TTC39C: variants seen among roughly 807,000 people sequenced by gnomAD.
The protein encoded by TTC39C is tetratricopeptide repeat protein 39C.
Under a neutral mutation model 76.3 loss-of-function variants are expected in TTC39C, and 33 were observed. The observed-to-expected ratio is 0.43, with a 90% CI of 0.33 to 0.58. The LOEUF (loss-of-function observed/expected upper bound fraction) is 0.58, where lower values mean the gene tolerates loss of function less well. Among genes scored for constraint, TTC39C ranks in the 20% least tolerant of loss-of-function variants. TTC39C has a pLI of 0.04. For missense variants in TTC39C, 595 were observed against 701.4 expected (o/e 0.85, Z 1.71); for synonymous variants, 254 against 260.6 (o/e 0.97, Z 0.24).
intron 6 of TTC39C, among the ~76,000 whole-genome samples, chr18:24,112,566 AC>A (rs1432960062): frequency 6.6e-6 from 1 of 152,006 alleles, no homozygotes; most frequent in African/African-American, 2.4e-5. Context: ...CTTTATTTGG[AC>A]TCATCTTTTT....
intron 6 of TTC39C, among the ~76,000 whole-genome samples, chr18:24,108,457 TTGCTGGGTA>T (rs2145800194): frequency 6.6e-6 from 1 of 152,342 alleles, no homozygotes; most frequent in East Asian, 1.9e-4. Context: ...ATGGAAACTT[TTGCTGGGTA>T]GCTGAGTTCA....
At chr18:24,031,977 A>G (rs1447008474) in intron 1 of TTC39C, among the ~76,000 whole-genome samples, 2 of 152,164 alleles carry the variant, frequency 1.3e-5, no homozygotes, top group African/African-American at 4.8e-5. Context: ...GCAGAAAGAG[A>G]TTTTACACAC....
intron 6 of TTC39C, among the ~76,000 whole-genome samples, chr18:24,086,924 T>C (rs1407284074): frequency 1.3e-5 from 2 of 152,148 alleles, no homozygotes; most frequent in Non-Finnish European, 2.9e-5. Context: ...TTTTGTTTTT[T>C]TTTTTCTTTT....
In TTC39C at chr18:24,131,878, A is replaced by G. The variant is rs1439728596; in HGVS notation, c.1624-4A>G. On this transcript the variant is annotated splice_region_variant and splice_polypyrimidine_tract_variant and intron_variant, in intron 12 of 13. Transcript: ENST00000317571. ...TTTTATGGGATAATGTGTTTTTCTT[A>G]TAGACTGTAGGAAGAGGCAGAGCTC... The G allele has an allele frequency of 3.7e-6, 6 of 1,610,982 alleles. No homozygotes were observed. The highest frequency in any genetic ancestry group is 5.1e-6 in the Non-Finnish European group (6 of 1,179,204).
At chr18:24,095,358 T>G (rs1042573523) in intron 6 of TTC39C, among the ~76,000 whole-genome samples, 3 of 152,250 alleles carry the variant, frequency 2.0e-5, no homozygotes, top group Admixed American at 6.5e-5. Context: ...GCTGATTTGC[T>G]TTCTTATCAT....
At chr18:24,041,608 G>A (rs1340050151) in intron 1 of TTC39C, among the ~76,000 whole-genome samples, 9 of 152,266 alleles carry the variant, frequency 5.9e-5, no homozygotes, top group Middle Eastern at 3.4e-3. Context: ...TTTAGGGACC[G>A]CTTTCCTCTT....
chr18:23,996,953 C>CA (rs2083266377), intron 1 of TTC39C, among the ~76,000 whole-genome samples: 1 of 151,838 alleles, frequency 6.6e-6, no homozygotes, highest in African/African-American at 2.4e-5. Flanking sequence ...ACTAAAAATA[C>CA]AAAAAACTAG....
At chr18:24,049,161 C>T (rs2083920447) in intron 1 of TTC39C, among the ~76,000 whole-genome samples, 1 of 152,204 alleles carries the variant, frequency 6.6e-6, no homozygotes, top group African/African-American at 2.4e-5. Context: ...CAGGAAATCA[C>T]TCAAAACATT....
intron 6 of TTC39C, among the ~76,000 whole-genome samples, chr18:24,111,921 A>AT (rs1193854333): frequency 0.017 from 687 of 40,786 alleles, 5 homozygotes; most frequent in African/African-American, 0.049. Context: ...ATATATATAT[A>AT]TATTTTTTTT....
At chr18:24,008,032 TTGAGGC>T (rs1333415924) in intron 1 of TTC39C, among the ~76,000 whole-genome samples, 1 of 152,170 alleles carries the variant, frequency 6.6e-6, no homozygotes, top group East Asian at 1.9e-4. Flanking sequence ...AATGGGGAAA[TTGAGGC>T]TGAAAGAGAT....
rs557341451 is a variant in TTC39C, at chr18:24,088,621, C to T, written c.984+5540C>T. ...TTCAGAAGAGACACAGCCCTCTCTG[C>T]CCGTCCACCACTCTGTTGTGTCCTC... On this transcript the variant is annotated intron_variant, in intron 6 of 13. Coordinates refer to ENST00000317571, the MANE Select transcript of TTC39C (RefSeq NM_001135993.2). 5.9e-5 allele frequency among the ~76,000 whole-genome samples: 9 copies of T among 152,328 alleles called. No homozygotes were observed. In the South Asian group the frequency reaches 1.0e-3, roughly 18 times the overall value.
chr18:24,112,221 G>A (rs547010755), intron 6 of TTC39C, among the ~76,000 whole-genome samples: 20 of 152,298 alleles, frequency 1.3e-4, no homozygotes, highest in African/African-American at 4.8e-4. Context: ...TCTCTCCTAT[G>A]TGTGTCACTT....
chr18:24,023,027 A>G (rs2083535533), intron 1 of TTC39C, among the ~76,000 whole-genome samples: 1 of 152,176 alleles, frequency 6.6e-6, no homozygotes, highest in Non-Finnish European at 1.5e-5. Context: ...ATACCTGGAC[A>G]TCCTCTCCAG....
intron 6 of TTC39C, among the ~76,000 whole-genome samples, chr18:24,092,522 A>G (rs764153562): frequency 3.3e-5 from 5 of 152,260 alleles, no homozygotes; most frequent in Non-Finnish European, 7.3e-5. Flanking sequence ...CATGTGATAC[A>G]TTCATACAAT....
chr18:24,022,447 G>C, intron 1 of TTC39C: 1 of 457,906 alleles, frequency 2.2e-6, no homozygotes, highest in Non-Finnish European at 2.9e-6. Flanking sequence ...CCCAACTCGG[G>C]TCTCGCAGCA....
chr18:24,045,924 T>C lies in TTC39C; in HGVS notation c.168-18216T>C, dbSNP rs1413075985. On this transcript the variant is annotated intron_variant, in intron 1 of 13. Coordinates refer to ENST00000317571, the MANE Select transcript of TTC39C (RefSeq NM_001135993.2). ...ATATATATATATATATATATATATA[T>C]ATATTTTTTTTTTTTTTTTTTTTTT... Among the ~76,000 whole-genome samples, 67 of 25,098 alleles carry C rather than the reference T, an allele frequency of 2.7e-3. 2 individuals carry two copies. The highest frequency in any genetic ancestry group is 9.3e-3 in the African/African-American group (56 of 5,994). The allele number at this position is 25,098 out of a possible 152,430, so 16.5% of individuals were successfully genotyped here. A position where few individuals can be genotyped will look rare whatever the true frequency, so the allele number is the denominator to read the frequency against.
intron 1 of TTC39C, chr18:24,020,232 T>C (rs983600476): frequency 3.6e-5 from 38 of 1,062,426 alleles, no homozygotes; most frequent in Non-Finnish European, 4.2e-5. Flanking sequence ...GCATCTTTTT[T>C]CCCCCAACTA....
chr18:24,021,570 G>C (rs1476573216), intron 1 of TTC39C, among the ~76,000 whole-genome samples: 1 of 123,180 alleles, frequency 8.1e-6, no homozygotes, highest in Non-Finnish European at 1.6e-5. Context: ...TTCCGAGACA[G>C]AGTCTTGCTC....
chr18:24,107,316 C>T (rs1240820273), intron 6 of TTC39C, among the ~76,000 whole-genome samples: 2 of 151,914 alleles, frequency 1.3e-5, no homozygotes, highest in Admixed American at 6.6e-5. Context: ...CACACGCACG[C>T]ATGTGCACTC....
Sources: allele counts gnomAD v4.1 joint callset (sites outside exome capture counted in the v4.1 genomes callset), GRCh38; gene constraint gnomAD v4.1.1; transcripts MANE v1.5; gene names NCBI Gene and HGNC (gene_info 2026-07-23, HGNC 2026-07-21).